The following ARFGAP1 variants were observed in gnomAD, a reference collection of about 807,000 sequenced individuals.
ARFGAP1 encodes the protein ADP-ribosylation factor GTPase-activating protein 1.
Under a neutral mutation model 54.0 loss-of-function variants are expected in ARFGAP1, and 26 were observed. The observed-to-expected ratio is 0.48, with a 90% CI of 0.35 to 0.67. The LOEUF is 0.67. Ranked by LOEUF, ARFGAP1 falls within the 30% of genes least tolerant of loss-of-function variation. The pLI, the probability that ARFGAP1 is intolerant of heterozygous loss-of-function variation, is 0.00. For synonymous variants in ARFGAP1, 248 were observed against 211.9 expected (o/e 1.17, Z -1.48); for missense variants, 525 against 535.8 (o/e 0.98, Z 0.20).
chr20:63,277,345 G>T, intron 5 of ARFGAP1, 40 bp downstream of exon 5: 4 of 1,526,962 alleles, frequency 2.6e-6, no homozygotes, highest in Non-Finnish European at 3.6e-6. Flanking sequence ...GTTTCCACTG[G>T]GTCCTGAACT....
intron 12 of ARFGAP1, 82 bp from the exon 13 acceptor site, chr20:63,287,482 T>G: frequency 1.5e-6 from 2 of 1,361,310 alleles, no homozygotes; most frequent in Non-Finnish European, 2.0e-6. Flanking sequence ...ACTGTCCAGG[T>G]GCAGAGCTCT....
chr20:63,282,840 G>A lies in ARFGAP1; in HGVS notation c.706G>A (p.Ala236Thr). ...KEGATKFGSQ[A>T]SQKASELGHS... Reference sequence around the variant, plus strand: ...TTAGGCTACAAAGTTTGGATCCCAAGCGAGTCAGAAGGTAACAGAGGAGAA... The same window carrying A: ...TTAGGCTACAAAGTTTGGATCCCAAACGAGTCAGAAGGTAACAGAGGAGAA... The change falls in exon 9 of 13, where the codon GCG becomes ACG. Residue 236 changes from alanine to threonine, a missense_variant. Coordinates refer to ENST00000370283, the MANE Select transcript of ARFGAP1 (RefSeq NM_018209.4). 1 of 1,614,098 alleles carries A rather than the reference G, an allele frequency of 6.2e-7. No homozygotes were observed. The highest frequency in any genetic ancestry group is 8.5e-7 in the Non-Finnish European group (1 of 1,180,018).
rs936071154 is a variant in ARFGAP1 at position 63,284,237 on chromosome 20, G to T, written c.718-629G>T. The T allele has an allele frequency of 3.2e-5, 39 of 1,207,436 alleles. No homozygotes were observed. In the African/African-American group the frequency reaches 5.5e-4, roughly 17 times the overall value. 74.8% of individuals were successfully genotyped at this position (1,207,436 alleles called of 1,614,324 possible). On this transcript the variant is annotated intron_variant, in intron 9 of 12. Coordinates refer to ENST00000370283, the MANE Select transcript of ARFGAP1 (RefSeq NM_018209.4). ...GCTGAGCAGGGTTTCCTGGCCACCTGCGCTCCCTTGAACGCAGTGCAAAGG... is the reference window on the plus strand; with the variant it reads ...GCTGAGCAGGGTTTCCTGGCCACCTTCGCTCCCTTGAACGCAGTGCAAAGG...
rs372448777 is a variant in ARFGAP1, at chr20:63,284,936, C to T, written c.774+14C>T. 1.2e-6 allele frequency: 2 copies of T among 1,613,064 alleles called. No individual in the cohort carries two copies. The highest frequency in any genetic ancestry group is 2.2e-5 in the South Asian group (2 of 91,042). On this transcript the variant is annotated intron_variant, in intron 10 of 12. Coordinates refer to ENST00000370283, the MANE Select transcript of ARFGAP1 (RefSeq NM_018209.4). The stretch of plus-strand genomic sequence containing the variant: ...GCGCAGGAGAAGGTAACGGGCAGCT[C>T]CGGGTGGTTGTGCCTGGAGCCCTTC...
In ARFGAP1 at chr20:63,277,276, G is replaced by C; in HGVS notation, c.414G>C (p.Gln138His). The change falls in exon 5 of 13, where the codon CAG becomes CAC. Residue 138 changes from glutamine to histidine, a missense_variant. Coordinates refer to ENST00000370283, the MANE Select transcript of ARFGAP1 (RefSeq NM_018209.4). ...SSPAQNWTPP[Q>H]PRTLPSMVHR... ...CTGCCCAGAACTGGACCCCACCTCA[G>C]CCCAGGACGCTGCCGTCCATGGTGC... 1 of 1,612,894 alleles carries C rather than the reference G, an allele frequency of 6.2e-7. No individual in the cohort carries two copies. The highest frequency in any genetic ancestry group is 8.5e-7 in the Non-Finnish European group (1 of 1,179,892).
intron 6 of ARFGAP1, chr20:63,278,588 C>A: frequency 4.1e-6 from 2 of 484,650 alleles, no homozygotes; most frequent in Non-Finnish European, 7.4e-6. Context: ...TGCGTGGAAT[C>A]TGCTGGACCT....
chr20:63,276,055 G>A lies in ARFGAP1; in HGVS notation c.61-36G>A. On this transcript the variant is annotated intron_variant, in intron 2 of 12. Transcript: ENST00000370283. The surrounding 1 kb of genome is among the most constrained non-coding windows in gnomAD (Gnocchi z 5.2). The stretch of plus-strand genomic sequence containing the variant: ...CTTTGGGGTCCCTGGGCTCTGCCCT[G>A]AGCCACCTGGTGAGTCACTTGTGGC... 2 of 1,600,280 alleles carry A rather than the reference G, an allele frequency of 1.2e-6. No individual in the cohort carries two copies. Among genetic ancestry groups the A allele is most frequent in the Non-Finnish European group, 1.7e-6 (2 of 1,168,302 alleles).
intron 8 of ARFGAP1, among the ~76,000 whole-genome samples, chr20:63,281,750 C>A (rs2067386576): frequency 6.6e-6 from 1 of 152,322 alleles, no homozygotes. Context: ...GCCTGCTCCT[C>A]AGCCTGAAAT....
intron 5 of ARFGAP1, 116 bp downstream of exon 5, chr20:63,277,421 G>A (rs2067262884): frequency 1.1e-6 from 1 of 908,684 alleles, no homozygotes; most frequent in African/African-American, 1.7e-5. Flanking sequence ...TTTCCCAGAA[G>A]TCAGTGGGAA....
In ARFGAP1 at chr20:63,287,785, G is replaced by A; in HGVS notation, c.1133G>A (p.Ser378Asn). The A allele has an allele frequency of 1.2e-6, 2 of 1,606,132 alleles. No individual in the cohort carries two copies. Among genetic ancestry groups the A allele is most frequent in the Non-Finnish European group, 1.7e-6 (2 of 1,177,014 alleles). The change falls in exon 13 of 13, where the codon AGC becomes AAC. Residue 378 changes from serine to asparagine, a missense_variant. Physicochemically the swap from Ser to Asn is conservative, Grantham distance 46. Around this residue, in one of 3 missense-constraint regions of ARFGAP1, gnomAD observed 466 missense variants for 453.6 expected, o/e 1.03. Coordinates refer to ENST00000370283, the MANE Select transcript of ARFGAP1 (RefSeq NM_018209.4). Reference protein sequence around the residue: ...GSASTNRNSNSDGGEGGEGTK... With the variant: ...GSASTNRNSNNDGGEGGEGTK... ...GCCTCCACCAACAGGAACAGCAACA[G>A]CGACGGCGGGGAGGGCGGGGAGGGC...
chr20:63,285,836 T>C, intron 11 of ARFGAP1, 123 bp downstream of exon 11: 2 of 1,486,474 alleles, frequency 1.3e-6, no homozygotes, highest in East Asian at 2.3e-5. Flanking sequence ...GCCGCTGTCC[T>C]CTGAGACGGG....
rs539421571 is a variant in ARFGAP1, at chr20:63,278,777, G to A, written c.531-122G>A. 2.2e-4 allele frequency: 177 copies of A among 820,540 alleles called. 1 individual carries two copies. The African/African-American group carries it at 2.6e-3, about 12-fold the overall frequency. The allele number at this position is 820,540 out of a possible 1,614,324, so 50.8% of individuals were successfully genotyped here. ...CCACAGGAGGCAGCGTGCATGTCCT[G>A]TGCGTGGGGACGTTGGCACGTCCCC... On this transcript the variant is annotated intron_variant, in intron 6 of 12. Transcript: ENST00000370283.
chr20:63,284,980 G>A lies in ARFGAP1; in HGVS notation c.774+58G>A, dbSNP rs1227383952. On this transcript the variant is annotated intron_variant, in intron 10 of 12. Coordinates refer to ENST00000370283, the MANE Select transcript of ARFGAP1 (RefSeq NM_018209.4). ...GCCCTTCACTCCAGGGGACGTGGGT[G>A]TGTCAGGGGTGTTAGGGGGATTGTT... The A allele has an allele frequency of 2.5e-6, 4 of 1,587,774 alleles. No individual in the cohort carries two copies. In the South Asian group the frequency reaches 3.4e-5, roughly 13 times the overall value.
Position 63,287,724 on chromosome 20 carries a change from A to T in ARFGAP1, c.1072A>T (p.Arg358Trp). Reference protein sequence around the residue: ...SWTCADTSTERRSSDSWEVWG... With the variant: ...SWTCADTSTEWRSSDSWEVWG... ...GACGTGCGCGGACACCTCCACCGAG[A>T]GGAGGAGCTCGGACAGCTGGGAGGT... is the stretch of plus-strand genomic sequence containing the variant. The change falls in exon 13 of 13, where the codon AGG (arginine) becomes TGG (tryptophan). Residue 358 changes from arginine (R) to tryptophan (W), a missense_variant. This residue lies in a region of ARFGAP1 where 466 missense variants were observed against 453.6 expected (regional missense o/e 1.03). Coordinates refer to ENST00000370283, the MANE Select transcript of ARFGAP1 (RefSeq NM_018209.4). 6.2e-7 allele frequency: 1 copy of T among 1,607,400 alleles called. No homozygotes were observed. Among genetic ancestry groups the T allele is most frequent in the Non-Finnish European group, 8.5e-7 (1 of 1,177,004 alleles).
intron 8 of ARFGAP1, 129 bp from the exon 9 acceptor site, chr20:63,282,690 C>T (rs113542120): frequency 1.1e-4 from 99 of 873,618 alleles, no homozygotes; most frequent in African/African-American, 1.0e-3. Flanking sequence ...TTATAGGGCC[C>T]GCCCAGAGCC....
intron 5 of ARFGAP1, 121 bp downstream of exon 5, chr20:63,277,426 T>C (rs1440771910): frequency 1.2e-6 from 1 of 849,306 alleles, no homozygotes. Context: ...CAGAAGTCAG[T>C]GGGAAAAACA....
Position 63,276,381 on chromosome 20 carries a change from C to T in ARFGAP1, c.171-99C>T. 6.7e-7 allele frequency: 1 copy of T among 1,489,354 alleles called. No individual in the cohort carries two copies. Among genetic ancestry groups the T allele is most frequent in the South Asian group, 1.3e-5 (1 of 79,198 alleles). 92.3% of individuals were successfully genotyped at this position (1,489,354 alleles called of 1,614,324 possible). A position where few individuals can be genotyped will look rare whatever the true frequency, so the allele number is the denominator to read the frequency against. ...TGCTGGCCACTCAGCCTCCCTGCGG[C>T]TGCTGCTTGCTGTGTCTAATTCTCA... On this transcript the variant is annotated intron_variant, in intron 3 of 12. Transcript: ENST00000370283. This position sits in a 1 kb window ranked among gnomAD's most constrained non-coding sequence, Gnocchi z 5.2.
At chr20:63,285,834 C>T (rs540388445) in intron 11 of ARFGAP1, 121 bp downstream of exon 11, 7 of 1,491,224 alleles carry the variant, frequency 4.7e-6, no homozygotes, top group East Asian at 4.6e-5. Flanking sequence ...TGGCCGCTGT[C>T]CTCTGAGACG....
In ARFGAP1 at chr20:63,278,681, C is replaced by T. The variant is rs1056427549; in HGVS notation, c.531-218C>T. The T allele has an allele frequency of 1.2e-5, 7 of 560,080 alleles. No homozygotes were observed. The Admixed American group carries it at 2.4e-4, about 19-fold the overall frequency. 34.7% of individuals were successfully genotyped at this position (560,080 alleles called of 1,614,324 possible). A position where few individuals can be genotyped will look rare whatever the true frequency, so the allele number is the denominator to read the frequency against. On this transcript the variant is annotated intron_variant, in intron 6 of 12. Transcript: ENST00000370283. ...GTACTTCTGTGGCTGGCTTTGGGGACTTGCTGGGGACCCTGTGGTGATGTG... is the reference window on the plus strand; with the variant it reads ...GTACTTCTGTGGCTGGCTTTGGGGATTTGCTGGGGACCCTGTGGTGATGTG...
Sources: allele counts gnomAD v4.1 joint callset (sites outside exome capture counted in the v4.1 genomes callset), GRCh38; gene constraint gnomAD v4.1.1; regional missense constraint gnomAD v4.1.1; non-coding constraint Gnocchi (gnomAD v3.1); transcripts MANE v1.5; gene names NCBI Gene and HGNC (gene_info 2026-07-23, HGNC 2026-07-21).